Variants in FOXP1 observed in about 807,000 individuals in gnomAD.
FOXP1 encodes the protein forkhead box P1, also known as forkhead box protein P1.
FOXP1 carries 15 observed loss-of-function variants against 98.2 expected under a neutral mutation model. The observed-to-expected ratio is 0.15, with a 90% CI of 0.10 to 0.24. FOXP1 has a LOEUF of 0.24. Among genes scored for constraint, FOXP1 ranks in the 10% least tolerant of loss-of-function variants. FOXP1 has a pLI of 1.00. For synonymous variants in FOXP1, 371 were observed against 314.5 expected (o/e 1.18, Z -1.90); for missense variants, 633 against 848.5 (o/e 0.75, Z 3.15).
chr3:71,086,432 T>C (rs1265684510), intron 7 of FOXP1, among the ~76,000 whole-genome samples: 5 of 152,222 alleles, frequency 3.3e-5, no homozygotes, highest in African/African-American at 4.8e-5. Flanking sequence ...CAACAACATA[T>C]ACAAACATCA....
intron 3 of FOXP1, among the ~76,000 whole-genome samples, chr3:71,423,730 C>T (rs1209740737): frequency 1.3e-5 from 2 of 152,204 alleles, no homozygotes; most frequent in East Asian, 3.8e-4. Flanking sequence ...CACACTGTAT[C>T]TCCCACCTCA....
rs77516833 is a variant in FOXP1, at chr3:71,283,130, G to T, written c.-12+16690C>A. ...TGAGTGCAGGGAAATCCCAGAAAGG[G>T]CTGAGAGAGGGAGAGGAAGTGCACT... On this transcript the variant is annotated intron_variant, in intron 5 of 20. Coordinates refer to ENST00000649528, the MANE Select transcript of FOXP1 (RefSeq NM_001349338.3). 9.1e-3 allele frequency among the ~76,000 whole-genome samples: 1,387 copies of T among 152,308 alleles called. 22 individuals carry two copies. The highest frequency in any genetic ancestry group is 0.032 in the African/African-American group (1,326 of 41,560).
chr3:71,033,880 G>C (rs1048109905), intron 11 of FOXP1, among the ~76,000 whole-genome samples: 3 of 152,116 alleles, frequency 2.0e-5, no homozygotes, highest in South Asian at 2.1e-4. Flanking sequence ...TCGCCCCCAG[G>C]GTGCTTCTGT....
At chr3:71,278,306 G>A (rs2071133867) in intron 5 of FOXP1, among the ~76,000 whole-genome samples, 1 of 152,144 alleles carries the variant, frequency 6.6e-6, no homozygotes, top group Non-Finnish European at 1.5e-5. Context: ...AAAGGAGTAA[G>A]AGAGTTGTCT....
intron 12 of FOXP1, among the ~76,000 whole-genome samples, chr3:71,008,458 C>T (rs1249018409): frequency 6.6e-6 from 1 of 152,084 alleles, no homozygotes; most frequent in Non-Finnish European, 1.5e-5. Flanking sequence ...TTTTGTTTTT[C>T]TGTTATCGGA....
At position 70,956,545 on chromosome 3, in the gene FOXP1, AAC is replaced by A. The variant is rs1371156568; in HGVS notation, c.*2700_*2701del. 1 of 229,418 alleles carries A rather than the reference AAC, an allele frequency of 4.4e-6. No individual in the cohort carries two copies. Among genetic ancestry groups the A allele is most frequent in the Non-Finnish European group, 8.6e-6 (1 of 116,164 alleles). The allele number at this position is 229,418 out of a possible 1,614,324, so 14.2% of individuals were successfully genotyped here. ...AGGTTTGAACTGAGGTATGCGTACT[AAC>A]AGTTTCTCATGCTGTTATCTTTACT... is the stretch of plus-strand genomic sequence containing the variant. On this transcript the variant is annotated 3_prime_UTR_variant, in exon 21 of 21. Coordinates refer to ENST00000649528, the MANE Select transcript of FOXP1 (RefSeq NM_001349338.3).
chr3:71,293,322 A>G (rs1405522511), intron 5 of FOXP1, among the ~76,000 whole-genome samples: 1 of 152,148 alleles, frequency 6.6e-6, no homozygotes, highest in Non-Finnish European at 1.5e-5. Context: ...ACATGGATAC[A>G]GTAGTTCAGT....
chr3:71,018,120 G>A (rs2044790267), intron 11 of FOXP1, among the ~76,000 whole-genome samples: 1 of 152,152 alleles, frequency 6.6e-6, no homozygotes, highest in Admixed American at 6.6e-5. Flanking sequence ...GCAGGGTTTT[G>A]GACTCGAAAT....
At chr3:71,129,343 TACACACACATGC>T (rs2059423485) in intron 6 of FOXP1, among the ~76,000 whole-genome samples, 1 of 152,170 alleles carries the variant, frequency 6.6e-6, no homozygotes, top group Non-Finnish European at 1.5e-5. Context: ...GCGATAGCAA[TACACACACATGC>T]ACACACACAT....
At chr3:70,973,001 C>T (rs1247306596) in intron 17 of FOXP1, among the ~76,000 whole-genome samples, 2 of 152,114 alleles carry the variant, frequency 1.3e-5, no homozygotes, top group African/African-American at 4.8e-5. Flanking sequence ...CAAAACAACA[C>T]ATGCAAAGTA....
chr3:71,456,385 C>T (rs1311840890), intron 3 of FOXP1, among the ~76,000 whole-genome samples: 3 of 152,100 alleles, frequency 2.0e-5, no homozygotes, highest in Admixed American at 6.6e-5. Context: ...TGGAAGGTGC[C>T]GGGTTTTCTT....
intron 5 of FOXP1, among the ~76,000 whole-genome samples, chr3:71,278,131 C>G (rs922810059): frequency 6.6e-6 from 1 of 152,100 alleles, no homozygotes; most frequent in East Asian, 1.9e-4. Context: ...GTAGCCCCTA[C>G]GTAACCCAGA....
intron 12 of FOXP1, among the ~76,000 whole-genome samples, chr3:71,009,238 T>G (rs1466027714): frequency 7.4e-6 from 1 of 134,274 alleles, no homozygotes; most frequent in East Asian, 2.6e-4. Context: ...CAAGCTAACA[T>G]AACCCTGGAT....
intron 3 of FOXP1, among the ~76,000 whole-genome samples, chr3:71,490,122 T>C (rs1002014043): frequency 6.6e-6 from 1 of 152,154 alleles, no homozygotes; most frequent in South Asian, 2.1e-4. Flanking sequence ...AACTATCAGA[T>C]GCATAATGCA....
At chr3:70,970,936 G>A in intron 18 of FOXP1, 131 bp from the exon 19 acceptor site, 1 of 737,858 alleles carries the variant, frequency 1.4e-6, no homozygotes, top group East Asian at 2.6e-5. Context: ...CCCAAGAAAA[G>A]TCAGGCTTTC....
chr3:71,561,697 T>C (rs1419892218), intron 2 of FOXP1, among the ~76,000 whole-genome samples: 1 of 152,188 alleles, frequency 6.6e-6, no homozygotes, highest in Non-Finnish European at 1.5e-5. Context: ...AGAGCTGGCA[T>C]TTGCTGACTA....
chr3:71,530,898 C>A (rs546482103), intron 2 of FOXP1, among the ~76,000 whole-genome samples: 1 of 152,130 alleles, frequency 6.6e-6, no homozygotes, highest in East Asian at 1.9e-4. Context: ...CCAGGAATGG[C>A]GAAGGAAAAA....
chr3:71,474,090 T>A (rs1379989609), intron 3 of FOXP1, among the ~76,000 whole-genome samples: 4 of 152,168 alleles, frequency 2.6e-5, no homozygotes, highest in African/African-American at 7.2e-5. Context: ...AAGCACAAGA[T>A]AATTGCAACT....
intron 2 of FOXP1, among the ~76,000 whole-genome samples, chr3:71,577,630 T>C (rs935041260): frequency 5.3e-5 from 8 of 152,022 alleles, no homozygotes; most frequent in African/African-American, 1.7e-4. Flanking sequence ...GTTCCTTGGA[T>C]AGCATATGTA....
Sources: allele counts gnomAD v4.1 joint callset (sites outside exome capture counted in the v4.1 genomes callset), GRCh38; gene constraint gnomAD v4.1.1; transcripts MANE v1.5; gene names NCBI Gene and HGNC (gene_info 2026-07-23, HGNC 2026-07-21).